The following SWT1 variants were observed in gnomAD, a reference collection of about 807,000 sequenced individuals.
SWT1 encodes SWT1 RNA endoribonuclease homolog, also known as transcriptional protein SWT1.
SWT1 carries 33 observed loss-of-function variants against 107.3 expected under a neutral mutation model. The ratio of observed to expected loss-of-function variants is 0.31; its 90% confidence interval spans 0.23 to 0.41. SWT1 has a LOEUF of 0.41. Ranked by LOEUF, SWT1 falls within the 10% of genes least tolerant of loss-of-function variation. The probability of loss-of-function intolerance (pLI) is 1.00; values close to 1 mark genes in which losing one functional copy is unlikely to be tolerated. For missense variants in SWT1, 898 were observed against 1,028.9 expected (o/e 0.87, Z 1.74); for synonymous variants, 345 against 348.3 (o/e 0.99, Z 0.11).
chr1:185,255,604 C>G (rs2102667990), intron 16 of SWT1, among the ~76,000 whole-genome samples: 1 of 125,704 alleles, frequency 8.0e-6, no homozygotes, highest in Non-Finnish European at 1.6e-5. Context: ...GATTGCAACC[C>G]CTGCCTTTTT....
intron 17 of SWT1, among the ~76,000 whole-genome samples, chr1:185,273,370 A>G (rs1417037365): frequency 6.6e-6 from 1 of 151,952 alleles, no homozygotes; most frequent in African/African-American, 2.4e-5. Context: ...GCACCACTGC[A>G]CTACAGCCTG....
At chr1:185,257,394 G>A (rs1045742038) in intron 16 of SWT1, among the ~76,000 whole-genome samples, 2 of 152,230 alleles carry the variant, frequency 1.3e-5, no homozygotes, top group African/African-American at 4.8e-5. Flanking sequence ...CTGCCGCCTT[G>A]CAGTTTGATC....
Position 185,202,712 on chromosome 1 carries a change from G to C in SWT1, c.1582G>C (p.Glu528Gln), listed in dbSNP as rs753912460. ...AAGTGGTGTGAAGTCACTCAGTAAA[G>C]AAGAATTGAGTGCAGAGTTATTACA... ...LISGVKSLSK[E>Q]ELSAELLHLS... is the part of the protein sequence containing the mutation. The change falls in exon 11 of 19, where the codon GAA becomes CAA. Residue 528 changes from glutamate to glutamine, a missense_variant. Around this residue, in one of 6 missense-constraint regions of SWT1, gnomAD observed 382 missense variants for 460.0 expected, o/e 0.83. Coordinates refer to ENST00000367500, the MANE Select transcript of SWT1 (RefSeq NM_017673.7). 3.7e-6 allele frequency: 6 copies of C among 1,606,898 alleles called. No homozygotes were observed. The highest frequency in any genetic ancestry group is 2.2e-5 in the South Asian group (2 of 89,936).
At chr1:185,256,207 C>G (rs1662498866) in intron 16 of SWT1, among the ~76,000 whole-genome samples, 1 of 151,806 alleles carries the variant, frequency 6.6e-6, no homozygotes, top group Non-Finnish European at 1.5e-5. Context: ...TCTGGCTGCC[C>G]TTAACATTTT....
chr1:185,287,598 A>C (rs928043293), intron 18 of SWT1, among the ~76,000 whole-genome samples: 2 of 152,218 alleles, frequency 1.3e-5, no homozygotes, highest in Non-Finnish European at 2.9e-5. Context: ...TGAGTGTCCC[A>C]TCACCAGGAG....
chr1:185,278,628 C>T (rs1664409484), intron 18 of SWT1, among the ~76,000 whole-genome samples: 1 of 152,184 alleles, frequency 6.6e-6, no homozygotes, highest in Non-Finnish European at 1.5e-5. Flanking sequence ...TCCATGTTGA[C>T]ACATGGGGCA....
Position 185,226,797 on chromosome 1 carries a change from T to C in SWT1, c.2309+4761T>C, listed in dbSNP as rs1660099233. On this transcript the variant is annotated intron_variant, in intron 15 of 18. Coordinates refer to ENST00000367500, the MANE Select transcript of SWT1 (RefSeq NM_017673.7). The stretch of plus-strand genomic sequence containing the variant: ...TATCTGAAAAATCCTTATAGAAAAT[T>C]GTTTGGTTTAGCTCTCAGCAGCCCG... The C allele has an allele frequency of 8.0e-6, 10 of 1,251,458 alleles. No homozygotes were observed. In the South Asian group the frequency reaches 1.8e-4, roughly 23 times the overall value. 77.5% of individuals were successfully genotyped at this position (1,251,458 alleles called of 1,614,324 possible).
rs1659989865 is a variant in SWT1, at chr1:185,225,646, A to G, written c.2309+3610A>G. 2.0e-5 allele frequency among the ~76,000 whole-genome samples: 3 copies of G among 152,300 alleles called. No homozygotes were observed. In the South Asian group the frequency reaches 6.2e-4, roughly 32 times the overall value. The stretch of plus-strand genomic sequence containing the variant: ...TTCAGTACAGTAATATCCTGTACAG[A>G]TTTGTAACTAAGGAGCAATAGGCTA... On this transcript the variant is annotated intron_variant, in intron 15 of 18. Transcript: ENST00000367500.
chr1:185,251,071 A>G (rs1428671037), intron 16 of SWT1, among the ~76,000 whole-genome samples: 2 of 152,240 alleles, frequency 1.3e-5, no homozygotes, highest in African/African-American at 4.8e-5. Context: ...TTTAGAAGTC[A>G]GTGATTTAAT....
intron 4 of SWT1, chr1:185,171,587 C>T (rs1018042202): frequency 4.2e-6 from 2 of 481,776 alleles, no homozygotes; most frequent in Non-Finnish European, 8.1e-6. Flanking sequence ...CTTGCAAAAA[C>T]TGCTCAAAAT....
chr1:185,241,599 CCTTAATA>C (rs2102609792), intron 16 of SWT1, among the ~76,000 whole-genome samples: 1 of 152,078 alleles, frequency 6.6e-6, no homozygotes, highest in South Asian at 2.1e-4. Flanking sequence ...ATAATCAGTT[CCTTAATA>C]CTTTGAATGC....
chr1:185,187,658 G>A (rs1027311387), intron 9 of SWT1, among the ~76,000 whole-genome samples: 4 of 151,956 alleles, frequency 2.6e-5, no homozygotes, highest in Non-Finnish European at 5.9e-5. Flanking sequence ...TGATGTTGAG[G>A]TGCCATTTAA....
chr1:185,256,182 A>G (rs1662494730), intron 16 of SWT1, among the ~76,000 whole-genome samples: 3 of 151,800 alleles, frequency 2.0e-5, no homozygotes, highest in African/African-American at 7.3e-5. Flanking sequence ...CTTTGTGGGT[A>G]ACCCGACCTT....
chr1:185,237,353 A>G (rs1393079866), intron 16 of SWT1, among the ~76,000 whole-genome samples: 1 of 152,226 alleles, frequency 6.6e-6, no homozygotes, highest in Admixed American at 6.5e-5. Flanking sequence ...CATATACACC[A>G]TGGAATACTA....
At chr1:185,238,677 TCAC>T in intron 16 of SWT1, among the ~76,000 whole-genome samples, 1 of 152,278 alleles carries the variant, frequency 6.6e-6, no homozygotes, top group South Asian at 2.1e-4. Flanking sequence ...TTTGCTTAAC[TCAC>T]CATTCACTTA....
chr1:185,160,953 G>T (rs1289763324), intron 2 of SWT1, 28 bp downstream of exon 2: 4 of 1,490,644 alleles, frequency 2.7e-6, no homozygotes, highest in Non-Finnish European at 1.9e-6. Context: ...CTGACCTAGA[G>T]ATACATTTCA....
intron 15 of SWT1, among the ~76,000 whole-genome samples, chr1:185,222,464 A>T (rs1195679341): frequency 1.3e-5 from 2 of 152,022 alleles, no homozygotes; most frequent in Non-Finnish European, 2.9e-5. Flanking sequence ...TCTTTGTGAT[A>T]AGAACATTTA....
intron 1 of SWT1, among the ~76,000 whole-genome samples, chr1:185,159,793 T>C (rs1349691575): frequency 1.3e-5 from 2 of 152,146 alleles, no homozygotes; most frequent in Non-Finnish European, 2.9e-5. Flanking sequence ...TGGCACAATC[T>C]TACTCACTAC....
chr1:185,214,490 T>A lies in SWT1; in HGVS notation c.1973-17T>A. ...CTCATTCTTCCATATTTTTCTGTCT[T>A]AATTTTCTGTTACCAGCTAATAAGG... On this transcript the variant is annotated splice_polypyrimidine_tract_variant and intron_variant, in intron 13 of 18. Transcript: ENST00000367500. 3 of 1,589,116 alleles carry A rather than the reference T, an allele frequency of 1.9e-6. No homozygotes were observed. The highest frequency in any genetic ancestry group is 2.6e-6 in the Non-Finnish European group (3 of 1,168,252).
Sources: allele counts gnomAD v4.1 joint callset (sites outside exome capture counted in the v4.1 genomes callset), GRCh38; gene constraint gnomAD v4.1.1; regional missense constraint gnomAD v4.1.1; transcripts MANE v1.5; gene names NCBI Gene and HGNC (gene_info 2026-07-23, HGNC 2026-07-21).